FMO4: variants seen among roughly 807,000 people sequenced by gnomAD.
FMO4 encodes the protein dimethylaniline monooxygenase [N-oxide-forming] 4.
Under a neutral mutation model 43.3 loss-of-function variants are expected in FMO4, and 38 were observed. That is an observed-to-expected ratio of 0.88 (90% confidence interval 0.68 to 1.15). FMO4 has a LOEUF of 1.15. Ranked by LOEUF, FMO4 falls within the 50% of genes most tolerant of loss-of-function variation. The probability of loss-of-function intolerance (pLI) is 0.00; values close to 1 mark genes in which losing one functional copy is unlikely to be tolerated. For synonymous variants in FMO4, 224 were observed against 232.2 expected (o/e 0.96, Z 0.32); for missense variants, 631 against 663.3 (o/e 0.95, Z 0.54).
chr1:171,323,228 G>C, intron 4 of FMO4, 36 bp downstream of exon 4: 1 of 1,365,466 alleles, frequency 7.3e-7, no homozygotes, highest in Non-Finnish European at 1.0e-6. Context: ...TGAATAGATG[G>C]GGGCTGGCCT....
rs148222001 is a variant in FMO4, at chr1:171,341,577, G to A, written c.1415G>A (p.Arg472His). 124 of 1,613,998 alleles carry A rather than the reference G, an allele frequency of 7.7e-5. No homozygotes were observed. The highest frequency in any genetic ancestry group is 2.5e-4 in the South Asian group (23 of 91,076). ...GGACCATGTACTCCTTATCAGTACC[G>A]CCTCATGGGCCCTGGAAAATGGGAT... ...FFGPCTPYQY[R>H]LMGPGKWDGA... Residue 472 changes from arginine to histidine, a missense_variant, in exon 10 of 10, where the codon CGC becomes CAC. Coordinates refer to ENST00000367749, the MANE Select transcript of FMO4 (RefSeq NM_002022.3).
At chr1:171,320,343 A>G (rs1263254384) in intron 3 of FMO4, among the ~76,000 whole-genome samples, 1 of 152,212 alleles carries the variant, frequency 6.6e-6, no homozygotes, top group East Asian at 1.9e-4. Flanking sequence ...GAAGTTGGCA[A>G]CAGGGAGTGG....
chr1:171,333,588 G>C (rs1662991732), intron 7 of FMO4, among the ~76,000 whole-genome samples: 1 of 152,104 alleles, frequency 6.6e-6, no homozygotes, highest in Non-Finnish European at 1.5e-5. Flanking sequence ...GAAAGCCTTT[G>C]AAAAGCACGT....
At chr1:171,320,443 G>A (rs1662366969) in intron 3 of FMO4, among the ~76,000 whole-genome samples, 4 of 152,194 alleles carry the variant, frequency 2.6e-5, no homozygotes, top group Admixed American at 1.3e-4. Flanking sequence ...CCTTGTGGGA[G>A]GGGGAGGGTT....
At position 171,323,036 on chromosome 1, in the gene FMO4, TA is replaced by T. The variant is rs775231184; in HGVS notation, c.167del (p.Lys56SerfsTer3). 4.3e-6 allele frequency: 7 copies of T among 1,613,470 alleles called. No homozygotes were observed. The highest frequency in any genetic ancestry group is 5.9e-6 in the Non-Finnish European group (7 of 1,179,490). On this transcript the variant is annotated frameshift_variant, in exon 4 of 10. Transcript: ENST00000367749. LOFTEE classifies it high-confidence loss of function. ...SSKDGMTRVY[K>X]SLVTNVCKEM... ...CCAAAGATGGGATGACCAGGGTCTA[TA>T]AGTCATTAGTGACAAATGTCTGTAA...
At chr1:171,325,649 A>ATATTC (rs1662625081) in intron 5 of FMO4, among the ~76,000 whole-genome samples, 1 of 151,880 alleles carries the variant, frequency 6.6e-6, no homozygotes, top group African/African-American at 2.4e-5. Flanking sequence ...TAAACACACA[A>ATATTC]CTGTACAGTA....
chr1:171,320,341 C>T (rs1184311505), intron 3 of FMO4, among the ~76,000 whole-genome samples: 1 of 152,078 alleles, frequency 6.6e-6, no homozygotes, highest in Middle Eastern at 3.2e-3. Flanking sequence ...TGGAAGTTGG[C>T]AACAGGGAGT....
rs1662907803 is a variant in FMO4, at chr1:171,331,732, G to A, written c.577G>A (p.Gly193Arg). 3.7e-6 allele frequency: 6 copies of A among 1,613,966 alleles called. No individual in the cohort carries two copies. The highest frequency in any genetic ancestry group is 5.1e-6 in the Non-Finnish European group (6 of 1,179,884). Residue 193 changes from glycine (G) to arginine (R), a missense_variant, in exon 6 of 10, where the codon GGG becomes AGG. Gly to Arg is a moderately radical substitution (Grantham distance 125). Transcript: ENST00000367749. ...QGKRVLVIGL[G>R]NTGGDIAVEL... is the part of the protein sequence containing the mutation. ...CAAACGCGTCTTGGTGATTGGTCTT[G>A]GGAACACTGGAGGAGACATTGCTGT...
chr1:171,317,732 T>C (rs1272937267), intron 2 of FMO4, among the ~76,000 whole-genome samples: 4 of 152,164 alleles, frequency 2.6e-5, no homozygotes, highest in Non-Finnish European at 5.9e-5. Context: ...CCTTGGGGAC[T>C]TTATTTTCTA....
rs1217343698 is a variant in FMO4, at chr1:171,332,784, G to T, written c.703G>T (p.Val235Phe). 1.2e-6 allele frequency: 2 copies of T among 1,612,914 alleles called. No homozygotes were observed. Among genetic ancestry groups the T allele is most frequent in the African/African-American group, 1.3e-5 (1 of 74,988 alleles). ...SDWGYPYNMM[V>F]TRRCCSFIAQ... The stretch of plus-strand genomic sequence containing the variant: ...TTGGGGCTATCCTTATAATATGATG[G>T]TTACAAGAAGATGCTGTAGTTTTAT... Residue 235 changes from valine (V) to phenylalanine (F), a missense_variant, in exon 7 of 10, where the codon GTT (valine) becomes TTT (phenylalanine). By Grantham distance (50) the Val-to-Phe change is conservative. Transcript: ENST00000367749.
intron 5 of FMO4, 143 bp downstream of exon 5, chr1:171,324,443 T>C (rs1164889523): frequency 6.6e-6 from 4 of 607,860 alleles, no homozygotes; most frequent in South Asian, 3.1e-5. Context: ...AAAATTACTT[T>C]AAAAGTTGTA....
Position 171,314,384 on chromosome 1 carries a change from A to C in FMO4, c.-180A>C, listed in dbSNP as rs1442975413. ...TTCCTTGACTTTGAGAAATAATTTAAGTCAAAGAATCTGCTCTATGCTAAC... is the reference window on the plus strand; with the variant it reads ...TTCCTTGACTTTGAGAAATAATTTACGTCAAAGAATCTGCTCTATGCTAAC... On this transcript the variant is annotated 5_prime_UTR_variant, in exon 1 of 10. Transcript: ENST00000367749. 1.3e-5 allele frequency: 2 copies of C among 152,104 alleles called. No individual in the cohort carries two copies. The highest frequency in any genetic ancestry group is 3.8e-4 in the East Asian group (2 of 5,200). 9.4% of individuals were successfully genotyped at this position (152,104 alleles called of 1,614,324 possible). A position where few individuals can be genotyped will look rare whatever the true frequency, so the allele number is the denominator to read the frequency against.
Position 171,331,693 on chromosome 1 carries a change from GA to G in FMO4, c.540del (p.Gly181AlafsTer9), listed in dbSNP as rs769986877. On this transcript the variant is annotated frameshift_variant, in exon 6 of 10. Transcript: ENST00000367749. LOFTEE classifies it high-confidence loss of function. ...GCATAGTCAAGAGTACAAGATCCCA[GA>G]AGGCTTTCAGGGCAAACGCGTCTTG... ...ILHSQEYKIP[E>X]GFQGKRVLVI... The G allele has an allele frequency of 1.9e-6, 3 of 1,613,792 alleles. No homozygotes were observed. Among genetic ancestry groups the G allele is most frequent in the Non-Finnish European group, 2.5e-6 (3 of 1,179,834 alleles).
In FMO4 at chr1:171,335,038, G is replaced by A. The variant is rs111816834; in HGVS notation, c.1180+275G>A. ...AAATTATTGAAGGCTTCATGATCCTGTTCTAGCCTAGTCTAATCTATCTAC... is the reference window on the plus strand; with the variant it reads ...AAATTATTGAAGGCTTCATGATCCTATTCTAGCCTAGTCTAATCTATCTAC... On this transcript the variant is annotated intron_variant, in intron 8 of 9. Coordinates refer to ENST00000367749, the MANE Select transcript of FMO4 (RefSeq NM_002022.3). Among the ~76,000 whole-genome samples, 165 of 152,246 alleles carry A rather than the reference G, an allele frequency of 1.1e-3. 3 individuals carry two copies. Among genetic ancestry groups the A allele is most frequent in the East Asian group, 0.011 (56 of 5,180 alleles).
At chr1:171,331,869 C>A in intron 6 of FMO4, 87 bp downstream of exon 6, 5 of 1,207,308 alleles carry the variant, frequency 4.1e-6, no homozygotes, top group Non-Finnish European at 6.0e-6. Context: ...AGTACATTGG[C>A]CAATTGCTAA....
chr1:171,334,263 TAAGTC>T (rs1663018817), intron 7 of FMO4, 143 bp from the exon 8 acceptor site: 1 of 598,548 alleles, frequency 1.7e-6, no homozygotes, highest in South Asian at 2.2e-5. Flanking sequence ...ATAAACATAC[TAAGTC>T]AAGTAGATGA....
In FMO4 at chr1:171,330,213, G is replaced by A. The variant is rs754402417; in HGVS notation, c.485-1427G>A. 8.7e-4 allele frequency among the ~76,000 whole-genome samples: 133 copies of A among 152,218 alleles called. 3 individuals carry two copies. Among genetic ancestry groups the A allele is most frequent in the Non-Finnish European group, 2.4e-4 (16 of 68,030 alleles). ...ACTTGAAGCCTTGGAGTGAGAGGCAGTCTAGTCCTCAAAACTGCTGGGCTT... is the reference window on the plus strand; with the variant it reads ...ACTTGAAGCCTTGGAGTGAGAGGCAATCTAGTCCTCAAAACTGCTGGGCTT... On this transcript the variant is annotated intron_variant, in intron 5 of 9. Coordinates refer to ENST00000367749, the MANE Select transcript of FMO4 (RefSeq NM_002022.3).
chr1:171,331,581 C>T lies in FMO4; in HGVS notation c.485-59C>T, dbSNP rs983742270. On this transcript the variant is annotated intron_variant, in intron 5 of 9. Coordinates refer to ENST00000367749, the MANE Select transcript of FMO4 (RefSeq NM_002022.3). ...CCTTTTTCCACAGACCCTATCCCTG[C>T]GTAGTGAGAAATTATAACTTTAGAC... is the stretch of plus-strand genomic sequence containing the variant. 12 of 1,531,600 alleles carry T rather than the reference C, an allele frequency of 7.8e-6. No homozygotes were observed. In the East Asian group the frequency reaches 1.1e-4, roughly 14 times the overall value. 94.9% of individuals were successfully genotyped at this position (1,531,600 alleles called of 1,614,324 possible).
chr1:171,327,644 GT>G (rs1419368006), intron 5 of FMO4, among the ~76,000 whole-genome samples: 1 of 152,152 alleles, frequency 6.6e-6, no homozygotes, highest in African/African-American at 2.4e-5. Flanking sequence ...ACAAGGTGTG[GT>G]GGCTCATGCC....
Sources: gnomAD v4.1 joint callset for allele counts (sites outside exome capture counted in the v4.1 genomes callset) on GRCh38, gnomAD v4.1.1 for gene constraint, MANE v1.5 for transcripts, NCBI Gene and HGNC (gene_info 2026-07-23, HGNC 2026-07-21) for gene names.